UNC5B: variants seen among roughly 807,000 people sequenced by gnomAD.
UNC5B encodes the protein unc-5 netrin receptor B.
UNC5B carries 56 observed loss-of-function variants against 103.7 expected under a neutral mutation model. The observed-to-expected ratio is 0.54, with a 90% confidence interval of 0.44 to 0.67. The LOEUF (loss-of-function observed/expected upper bound fraction) is 0.67, where lower values mean the gene tolerates loss of function less well. UNC5B is among the 30% of genes least tolerant of loss of function. The pLI, the probability that UNC5B is intolerant of heterozygous loss-of-function variation, is 0.00. For synonymous variants in UNC5B, 577 were observed against 542.0 expected, an observed-to-expected ratio of 1.06 and a Z score of -0.90; for missense variants, 1,194 against 1,284.5, an observed-to-expected ratio of 0.93 and a Z score of 1.08.
chr10:71,280,903 G>T (rs1009844298), intron 2 of UNC5B, among the ~76,000 whole-genome samples: 1 of 152,248 alleles, frequency 6.6e-6, no homozygotes, highest in African/African-American at 2.4e-5. Context: ...GGGCTCCCGA[G>T]TAGCCTTCCT....
intron 1 of UNC5B, among the ~76,000 whole-genome samples, chr10:71,270,028 G>A (rs932038257): frequency 6.6e-6 from 1 of 152,146 alleles, no homozygotes; most frequent in Non-Finnish European, 1.5e-5. Context: ...AGGAAAACAC[G>A]CCTGGTGGGG....
chr10:71,280,160 C>A, intron 2 of UNC5B, 115 bp downstream of exon 2: 1 of 1,164,954 alleles, frequency 8.6e-7, no homozygotes, highest in Non-Finnish European at 1.2e-6. Flanking sequence ...AGCATTTCCC[C>A]AAGTGCTGGC....
intron 1 of UNC5B, among the ~76,000 whole-genome samples, chr10:71,218,846 G>A (rs1481074331): frequency 6.6e-6 from 1 of 152,222 alleles, no homozygotes; most frequent in Non-Finnish European, 1.5e-5. Context: ...AGCAGAGCTT[G>A]AGTGGGTGGG....
intron 1 of UNC5B, among the ~76,000 whole-genome samples, chr10:71,221,609 T>C (rs535471700): frequency 6.6e-6 from 1 of 152,316 alleles, no homozygotes; most frequent in Admixed American, 6.5e-5. Flanking sequence ...GAAGAACTGA[T>C]GGGCTTTGTG....
chr10:71,223,349 A>G (rs1236850473), intron 1 of UNC5B, among the ~76,000 whole-genome samples: 1 of 152,130 alleles, frequency 6.6e-6, no homozygotes, highest in Non-Finnish European at 1.5e-5. Context: ...CTGTGCGTGG[A>G]CCTGCTGCTG....
rs34973560 is a variant in UNC5B at position 71,269,350 on chromosome 10, C to CCCG, written c.80-10469_80-10468insGCC. Among the ~76,000 whole-genome samples the CCCG allele has an allele frequency of 9.6e-5, 14 of 145,264 alleles. No individual in the cohort carries two copies. The East Asian group carries it at 1.1e-3, about 11-fold the overall frequency. On this transcript the variant is annotated intron_variant, in intron 1 of 16. Coordinates refer to ENST00000335350, the MANE Select transcript of UNC5B (RefSeq NM_170744.5). ...AAGTTTAGAAAAATGAAGTCCCCCCCCCACAACTTCTCCTTTCCTGGGAGT... is the reference window on the plus strand; with the variant it reads ...AAGTTTAGAAAAATGAAGTCCCCCCCCCGCCACAACTTCTCCTTTCCTGGGAGT...
rs10999734 is a variant in UNC5B at position 71,222,213 on chromosome 10, G to T, written c.79+9149G>T. On this transcript the variant is annotated intron_variant, in intron 1 of 16. Transcript: ENST00000335350. The stretch of plus-strand genomic sequence containing the variant: ...TAGGGGATGTGTACGTGAAGGTATG[G>T]GTGTGAATGTCTGGCACATCTACCC... 2.0e-4 allele frequency among the ~76,000 whole-genome samples: 30 copies of T among 152,244 alleles called. No individual in the cohort carries two copies. The East Asian group carries it at 5.6e-3, about 28-fold the overall frequency.
intron 1 of UNC5B, among the ~76,000 whole-genome samples, chr10:71,274,291 C>T (rs964440729): frequency 1.3e-5 from 2 of 151,876 alleles, no homozygotes; most frequent in South Asian, 2.1e-4. Context: ...ACCCGGGAGG[C>T]GGAGGTTGCA....
chr10:71,221,403 C>T (rs1036813612), intron 1 of UNC5B, among the ~76,000 whole-genome samples: 4 of 152,176 alleles, frequency 2.6e-5, no homozygotes, highest in African/African-American at 9.7e-5. Flanking sequence ...GGCCTGGCCC[C>T]CGTGTCATGC....
intron 1 of UNC5B, among the ~76,000 whole-genome samples, chr10:71,276,593 C>T (rs777948778): frequency 3.9e-5 from 6 of 152,210 alleles, no homozygotes; most frequent in Non-Finnish European, 8.8e-5. Context: ...ACCACCATGC[C>T]CGGCTAATTT....
At chr10:71,218,078 G>C (rs958904599) in intron 1 of UNC5B, 3 of 152,218 alleles carry the variant, frequency 2.0e-5, no homozygotes, top group African/African-American at 7.3e-5. Context: ...GAGTGTGTGG[G>C]GGGTGAGAAT....
At position 71,290,933 on chromosome 10, in the gene UNC5B, A is replaced by G; in HGVS notation, c.1118A>G (p.Asp373Gly). Residue 373 changes from aspartate to glycine, a missense_variant, in exon 9 of 17, where the codon GAT becomes GGT. Coordinates refer to ENST00000335350, the MANE Select transcript of UNC5B (RefSeq NM_170744.5). ...CCCGCAGTGCTGGAGGCCTCAGGGG[A>G]TGCGGCGCTGTATGCGGGGCTCGTG... ...PNSHLLEASG[D>G]AALYAGLVVA... 6.2e-7 allele frequency: 1 copy of G among 1,612,894 alleles called. No homozygotes were observed.
intron 1 of UNC5B, among the ~76,000 whole-genome samples, chr10:71,262,404 G>C (rs368758315): frequency 5.9e-4 from 90 of 151,880 alleles, no homozygotes; most frequent in African/African-American, 1.9e-3. Context: ...CCAGGATTGT[G>C]GGGGGGCTGT....
Position 71,285,383 on chromosome 10 carries a change from A to T in UNC5B, c.506A>T (p.Glu169Val). 6 of 1,610,486 alleles carry T rather than the reference A, an allele frequency of 3.7e-6. No homozygotes were observed. Among genetic ancestry groups the T allele is most frequent in the Non-Finnish European group, 5.1e-6 (6 of 1,178,964 alleles). The part of the protein sequence containing the change: ...PLGKEVPLDH[E>V]VLLQCRPPEG... ...GGCAAGGAGGTGCCCCTGGACCATG[A>T]GGTTCTCCTGCAGTGCCGCCCGCCG... Residue 169 changes from glutamate to valine, a missense_variant, in exon 4 of 17, where the codon GAG becomes GTG. Glu to Val is a moderately radical substitution (Grantham distance 121). Transcript: ENST00000335350.
At chr10:71,236,670 C>G (rs1268185198) in intron 1 of UNC5B, among the ~76,000 whole-genome samples, 1 of 152,268 alleles carries the variant, frequency 6.6e-6, no homozygotes, top group African/African-American at 2.4e-5. Flanking sequence ...GCCCGAGCCC[C>G]CACTGGAGAC....
chr10:71,257,360 C>T (rs933319425), intron 1 of UNC5B, among the ~76,000 whole-genome samples: 5 of 152,340 alleles, frequency 3.3e-5, no homozygotes, highest in East Asian at 3.9e-4. Flanking sequence ...GAGAGAAAGC[C>T]GAAGGGAAGA....
At chr10:71,241,797 C>T (rs923141320) in intron 1 of UNC5B, among the ~76,000 whole-genome samples, 32 of 152,218 alleles carry the variant, frequency 2.1e-4, no homozygotes, top group African/African-American at 7.7e-4. Flanking sequence ...GCAGGATCAT[C>T]ATGGTGCACC....
intron 1 of UNC5B, among the ~76,000 whole-genome samples, chr10:71,239,477 C>T (rs1183564079): frequency 6.6e-6 from 1 of 152,130 alleles, no homozygotes; most frequent in Non-Finnish European, 1.5e-5. Context: ...TCATGCATGT[C>T]ACTGGCTGAT....
At chr10:71,233,971 A>G (rs760594126) in intron 1 of UNC5B, among the ~76,000 whole-genome samples, 6 of 152,348 alleles carry the variant, frequency 3.9e-5, no homozygotes, top group Non-Finnish European at 8.8e-5. Context: ...ACACAGGCAC[A>G]CTTGATTTGA....
Sources: gnomAD v4.1 joint callset for allele counts (sites outside exome capture counted in the v4.1 genomes callset) on GRCh38, gnomAD v4.1.1 for gene constraint, MANE v1.5 for transcripts, NCBI Gene and HGNC (gene_info 2026-07-23, HGNC 2026-07-21) for gene names.